The following RYR3 variants were observed in gnomAD, a reference collection of about 807,000 sequenced individuals.
The protein encoded by RYR3 is brain ryanodine receptor-calcium release channel.
A neutral mutation model predicts 584.3 loss-of-function variants in RYR3; 207 were observed. The observed-to-expected ratio is 0.35, with a 90% CI of 0.32 to 0.40. The LOEUF (loss-of-function observed/expected upper bound fraction) is 0.40. Ranked by LOEUF, RYR3 falls within the 10% of genes least tolerant of loss-of-function variation. RYR3 has a pLI of 1.00. For synonymous variants in RYR3, 2,416 were observed against 2,248.5 expected (o/e 1.07, Z -2.11); for missense variants, 5,616 against 6,089.2 (o/e 0.92, Z 2.59).
chr15:33,824,440 A>T (rs2152962075), intron 81 of RYR3, among the ~76,000 whole-genome samples: 1 of 152,350 alleles, frequency 6.6e-6, no homozygotes, highest in African/African-American at 2.4e-5. Flanking sequence ...TGTTGCATAG[A>T]TTCAGATTCA....
At chr15:33,358,879 C>G (rs1469738612) in intron 1 of RYR3, among the ~76,000 whole-genome samples, 2 of 152,184 alleles carry the variant, frequency 1.3e-5, no homozygotes, top group African/African-American at 4.8e-5. Context: ...GAGGGCTTAA[C>G]TAGGTGCTAG....
At chr15:33,489,342 T>C (rs2050770694) in intron 2 of RYR3, among the ~76,000 whole-genome samples, 1 of 152,214 alleles carries the variant, frequency 6.6e-6, no homozygotes, top group Non-Finnish European at 1.5e-5. Flanking sequence ...TTATTTTTTC[T>C]GCTCCTCTCC....
In RYR3 at chr15:33,758,701, C is replaced by T. The variant is rs546191365; in HGVS notation, c.8705+1105C>T. Among the ~76,000 whole-genome samples the T allele has an allele frequency of 5.3e-4, 81 of 152,310 alleles. 1 individual carries two copies. The highest frequency in any genetic ancestry group is 3.4e-3 in the Middle Eastern group (1 of 294). ...GGGACAGAGCACCTGGGGGAAGGGG[C>T]GGCTGTGGGCGCAGCTTTAGCAGAC... On this transcript the variant is annotated intron_variant, in intron 60 of 103. Coordinates refer to ENST00000634891, the MANE Select transcript of RYR3 (RefSeq NM_001036.6).
At chr15:33,317,408 C>T (rs1968341731) in intron 1 of RYR3, among the ~76,000 whole-genome samples, 2 of 152,182 alleles carry the variant, frequency 1.3e-5, no homozygotes, top group Non-Finnish European at 2.9e-5. Context: ...CACAGTTCTC[C>T]TTGGGGAGCC....
intron 19 of RYR3, among the ~76,000 whole-genome samples, chr15:33,618,317 G>A (rs184983187): frequency 1.8e-4 from 27 of 152,320 alleles, no homozygotes; most frequent in African/African-American, 5.3e-4. Context: ...ATTTGTGGTT[G>A]CTGTTTGTTT....
rs190473994 is a variant in RYR3 at position 33,473,230 on chromosome 15, C to T, written c.52-189C>T. 8 of 749,048 alleles carry T rather than the reference C, an allele frequency of 1.1e-5. No homozygotes were observed. The African/African-American group carries it at 1.4e-4, about 13-fold the overall frequency. 46.4% of individuals were successfully genotyped at this position (749,048 alleles called of 1,614,324 possible). ...ACTCCAGGATTAAGTAGAGTTCTGA[C>T]TCACGGTAGATGCTCCGTGATGTCC... On this transcript the variant is annotated intron_variant, in intron 1 of 103. Transcript: ENST00000634891.
intron 16 of RYR3, among the ~76,000 whole-genome samples, chr15:33,594,320 C>T (rs1567619347): frequency 6.6e-6 from 1 of 152,150 alleles, no homozygotes; most frequent in Non-Finnish European, 1.5e-5. Context: ...ATGCAAATAA[C>T]TCTATTGCCA....
At chr15:33,605,210 A>G (rs2059849474) in intron 18 of RYR3, among the ~76,000 whole-genome samples, 1 of 152,210 alleles carries the variant, frequency 6.6e-6, no homozygotes, top group African/African-American at 2.4e-5. Flanking sequence ...ATCCCTTTGT[A>G]GAAATTTGAG....
chr15:33,648,682 GC>G, intron 30 of RYR3, among the ~76,000 whole-genome samples: 1 of 152,212 alleles, frequency 6.6e-6, no homozygotes, highest in Admixed American at 6.5e-5. Context: ...CAGGGACTGT[GC>G]CCGCTCTCTC....
chr15:33,375,238 G>A (rs943819626), intron 1 of RYR3, among the ~76,000 whole-genome samples: 1 of 149,646 alleles, frequency 6.7e-6, no homozygotes, highest in African/African-American at 2.5e-5. Context: ...AATACAAAGC[G>A]CTTAGGACAC....
At chr15:33,746,629 T>C (rs1463541740) in intron 53 of RYR3, among the ~76,000 whole-genome samples, 1 of 151,678 alleles carries the variant, frequency 6.6e-6, no homozygotes, top group Non-Finnish European at 1.5e-5. Flanking sequence ...TGAAACCCCA[T>C]CTCTACTGAA....
chr15:33,331,043 T>TTTGTTTGG (rs1361262930), intron 1 of RYR3, among the ~76,000 whole-genome samples: 1 of 152,154 alleles, frequency 6.6e-6, no homozygotes, highest in Non-Finnish European at 1.5e-5. Flanking sequence ...TGTTTGTTTG[T>TTTGTTTGG]TTGGTTGGTT....
chr15:33,333,393 A>G (rs904922559), intron 1 of RYR3, among the ~76,000 whole-genome samples: 2 of 152,238 alleles, frequency 1.3e-5, no homozygotes, highest in Non-Finnish European at 2.9e-5. Flanking sequence ...TGGTTTAACA[A>G]TGCAAATCAA....
chr15:33,564,194 G>A (rs2057570430), intron 11 of RYR3, among the ~76,000 whole-genome samples: 1 of 152,162 alleles, frequency 6.6e-6, no homozygotes, highest in African/African-American at 2.4e-5. Flanking sequence ...TCTGGGACTC[G>A]AGGTGCCAAG....
At chr15:33,598,531 T>C (rs1173133593) in intron 16 of RYR3, among the ~76,000 whole-genome samples, 4 of 147,360 alleles carry the variant, frequency 2.7e-5, no homozygotes, top group African/African-American at 7.5e-5. Context: ...ATGCTAACTT[T>C]AGTCGTTTAA....
At chr15:33,533,780 T>G (rs984291043) in intron 5 of RYR3, among the ~76,000 whole-genome samples, 3 of 152,238 alleles carry the variant, frequency 2.0e-5, no homozygotes, top group African/African-American at 7.2e-5. Context: ...GTAGTCCTAT[T>G]TTGTTCTGCA....
intron 3 of RYR3, among the ~76,000 whole-genome samples, chr15:33,511,605 T>TGA (rs561000642): frequency 3.3e-4 from 49 of 149,990 alleles, no homozygotes; most frequent in African/African-American, 6.4e-4. Flanking sequence ...GTCTCTGCAA[T>TGA]TAAAAAAAAA....
At chr15:33,401,792 ATCTC>A (rs1216653938) in intron 1 of RYR3, among the ~76,000 whole-genome samples, 1 of 152,182 alleles carries the variant, frequency 6.6e-6, no homozygotes, top group East Asian at 1.9e-4. Context: ...AATAAATACA[ATCTC>A]TCTTTTTCTC....
At chr15:33,486,241 T>C (rs980773005) in intron 2 of RYR3, among the ~76,000 whole-genome samples, 2 of 152,186 alleles carry the variant, frequency 1.3e-5, no homozygotes, top group African/African-American at 4.8e-5. Context: ...GAGGCTAGAA[T>C]TGGAAATCAA....
Sources: allele counts gnomAD v4.1 joint callset (sites outside exome capture counted in the v4.1 genomes callset), GRCh38; gene constraint gnomAD v4.1.1; transcripts MANE v1.5; gene names NCBI Gene and HGNC (gene_info 2026-07-23, HGNC 2026-07-21).